The following IRF2 variants were observed in gnomAD, a reference collection of about 807,000 sequenced individuals.
IRF2 encodes interferon regulatory factor 2.
In IRF2, 15 loss-of-function variants were observed where a neutral mutation model predicts 40.6. That is an observed-to-expected ratio of 0.37 (90% CI 0.25 to 0.57). The LOEUF (loss-of-function observed/expected upper bound fraction) is 0.57. Among genes scored for constraint, IRF2 ranks in the 20% least tolerant of loss-of-function variants. The probability of loss-of-function intolerance (pLI) is 0.77; values close to 1 mark genes in which losing one functional copy is unlikely to be tolerated. For missense variants in IRF2, 317 were observed against 455.7 expected, an observed-to-expected ratio of 0.70 and a Z score of 2.77; for synonymous variants, 151 against 165.5, an observed-to-expected ratio of 0.91 and a Z score of 0.67.
chr4:184,390,580 G>C (rs1440969048), intron 8 of IRF2, 123 bp downstream of exon 8: 2 of 942,736 alleles, frequency 2.1e-6, no homozygotes, highest in African/African-American at 3.3e-5. Flanking sequence ...CACCACACAA[G>C]AAAATCCCAA....
chr4:184,423,339 C>T lies in IRF2; in HGVS notation c.88-3771G>A, dbSNP rs888489177. 3.3e-5 allele frequency among the ~76,000 whole-genome samples: 5 copies of T among 152,180 alleles called. No individual in the cohort carries two copies. In the East Asian group the frequency reaches 5.8e-4, roughly 18 times the overall value. ...TCTGAAGGAAGGCAGGAGAGATGAG[C>T]GCTGCTTGACTTCAGAAAAGCATCT... is the stretch of plus-strand genomic sequence containing the variant. On this transcript the variant is annotated intron_variant, in intron 2 of 8. Transcript: ENST00000393593.
intron 6 of IRF2, among the ~76,000 whole-genome samples, chr4:184,406,029 G>A (rs1736841044): frequency 6.6e-6 from 1 of 152,000 alleles, no homozygotes; most frequent in African/African-American, 2.4e-5. Flanking sequence ...GCGATGTAAG[G>A]GTTCACATCT....
rs1259360259 is a variant in IRF2, at chr4:184,413,044, G to C, written c.412-4769C>G. On this transcript the variant is annotated intron_variant, in intron 5 of 8. Transcript: ENST00000393593. The surrounding 1 kb of genome is among the most constrained non-coding windows in gnomAD (Gnocchi z 4.2). ...AAAACGACCTGCATTCCCAACACTC[G>C]CTTCTGAAGGTGCAAAACGCCGGGG... Among the ~76,000 whole-genome samples, 1 of 152,030 alleles carries C rather than the reference G, an allele frequency of 6.6e-6. No individual in the cohort carries two copies. Among genetic ancestry groups the C allele is most frequent in the African/African-American group, 2.4e-5 (1 of 41,380 alleles).
intron 1 of IRF2, among the ~76,000 whole-genome samples, chr4:184,449,996 C>T (rs572783389): frequency 1.2e-4 from 19 of 152,314 alleles, no homozygotes; most frequent in South Asian, 8.3e-4. Context: ...GGTATACTGA[C>T]GCAGGCTCAC....
Position 184,448,489 on chromosome 4 carries a change from CA to C in IRF2, c.-6-19420del, listed in dbSNP as rs1241075071. Reference sequence around the variant, plus strand: ...TGTAGAAGAGGAGAAATAAGACGGCCAAAGAGCTCTCGTGCGTATTTGAGAG... The same window carrying C: ...TGTAGAAGAGGAGAAATAAGACGGCCAAGAGCTCTCGTGCGTATTTGAGAG... On this transcript the variant is annotated intron_variant, in intron 1 of 8. Transcript: ENST00000393593. This position sits in a 1 kb window ranked among gnomAD's most constrained non-coding sequence, Gnocchi z 4.3. Among the ~76,000 whole-genome samples the C allele has an allele frequency of 6.6e-6, 1 of 152,042 alleles. No homozygotes were observed. Among genetic ancestry groups the C allele is most frequent in the Non-Finnish European group, 1.5e-5 (1 of 68,008 alleles).
intron 5 of IRF2, among the ~76,000 whole-genome samples, chr4:184,412,640 C>T (rs778583475): frequency 6.6e-6 from 1 of 152,210 alleles, no homozygotes; most frequent in Non-Finnish European, 1.5e-5. Context: ...AGCACAGAGG[C>T]GCAATGCCAC....
At chr4:184,468,245 T>C (rs1036891269) in intron 1 of IRF2, among the ~76,000 whole-genome samples, 2 of 152,166 alleles carry the variant, frequency 1.3e-5, no homozygotes, top group African/African-American at 4.8e-5. Context: ...CCGAATACTT[T>C]GGGAGGCTGA....
intron 2 of IRF2, chr4:184,428,596 A>G: frequency 2.5e-6 from 1 of 403,776 alleles, no homozygotes; most frequent in South Asian, 1.8e-5. Context: ...CCAGGAGTTC[A>G]AGACCAGCCT....
intron 5 of IRF2, among the ~76,000 whole-genome samples, chr4:184,410,740 C>T (rs73874635): frequency 0.027 from 4,040 of 152,268 alleles, 182 homozygotes; most frequent in African/African-American, 0.092. Flanking sequence ...ATGAGGCAGT[C>T]AGGCTTGCAT....
chr4:184,425,725 G>T (rs535173329), intron 2 of IRF2, among the ~76,000 whole-genome samples: 1 of 152,324 alleles, frequency 6.6e-6, no homozygotes, highest in East Asian at 1.9e-4. Context: ...GGGGCCAAGT[G>T]TTCATTTGCA....
At chr4:184,466,576 G>C (rs542426925) in intron 1 of IRF2, among the ~76,000 whole-genome samples, 4 of 152,136 alleles carry the variant, frequency 2.6e-5, no homozygotes, top group Non-Finnish European at 4.4e-5. Flanking sequence ...AGATCAGTAC[G>C]GGGGGAGAAG....
chr4:184,410,798 A>C (rs1737043084), intron 5 of IRF2, among the ~76,000 whole-genome samples: 1 of 152,216 alleles, frequency 6.6e-6, no homozygotes, highest in African/African-American at 2.4e-5. Flanking sequence ...GAAGACCTCT[A>C]AGTGTTACAC....
intron 1 of IRF2, among the ~76,000 whole-genome samples, chr4:184,436,990 A>G (rs892871654): frequency 2.0e-5 from 3 of 152,106 alleles, no homozygotes; most frequent in Admixed American, 2.0e-4. Context: ...GGTTCAAGAG[A>G]GCCTCTCACC....
chr4:184,461,866 G>A (rs951906928), intron 1 of IRF2, among the ~76,000 whole-genome samples: 4 of 152,026 alleles, frequency 2.6e-5, no homozygotes, highest in African/African-American at 7.2e-5. Flanking sequence ...TGGAAAAAAT[G>A]GGTCAGCTAC....
At chr4:184,451,414 T>A (rs907098141) in intron 1 of IRF2, among the ~76,000 whole-genome samples, 2 of 152,192 alleles carry the variant, frequency 1.3e-5, no homozygotes, top group African/African-American at 4.8e-5. Flanking sequence ...TGGGCACCCA[T>A]GATGCACTCA....
chr4:184,407,528 T>C (rs1446723065), intron 6 of IRF2, among the ~76,000 whole-genome samples: 1 of 152,186 alleles, frequency 6.6e-6, no homozygotes, highest in Admixed American at 6.5e-5. Context: ...CCAATCTAAA[T>C]TTGGTGCCTT....
At chr4:184,403,258 G>T (rs1736731657) in intron 6 of IRF2, among the ~76,000 whole-genome samples, 1 of 152,104 alleles carries the variant, frequency 6.6e-6, no homozygotes, top group African/African-American at 2.4e-5. Context: ...TCACTAACCA[G>T]TCTCTATCTG....
chr4:184,418,694 C>T lies in IRF2; in HGVS notation c.202G>A (p.Gly68Arg), dbSNP rs767697198. ...GTTTTGGGATCAGGTTTATCTACTC[C>T]TGGTTGATGCTTTCCTAACAAAAGA... ...WAIHTGKHQP[G>R]VDKPDPKTWK... Residue 68 changes from glycine to arginine, a missense_variant, in exon 4 of 9, where the codon GGA becomes AGA. Gly to Arg is a moderately radical substitution (Grantham distance 125). Around this residue, in one of 2 missense-constraint regions of IRF2, gnomAD observed 55 missense variants for 121.7 expected, o/e 0.45. Coordinates refer to ENST00000393593, the MANE Select transcript of IRF2 (RefSeq NM_002199.4). The T allele has an allele frequency of 2.5e-6, 4 of 1,613,332 alleles. No homozygotes were observed. Among genetic ancestry groups the T allele is most frequent in the Non-Finnish European group, 3.4e-6 (4 of 1,179,498 alleles).
chr4:184,419,151 T>G (rs578027446), intron 3 of IRF2, among the ~76,000 whole-genome samples: 58 of 152,272 alleles, frequency 3.8e-4, no homozygotes, highest in South Asian at 1.2e-3. Flanking sequence ...TCTGACTACC[T>G]TTTTGGGGGG....
Sources: gnomAD v4.1 joint callset for allele counts (sites outside exome capture counted in the v4.1 genomes callset) on GRCh38, gnomAD v4.1.1 for gene constraint, gnomAD v4.1.1 regional missense constraint, Gnocchi (gnomAD v3.1) non-coding constraint, MANE v1.5 for transcripts, NCBI Gene and HGNC (gene_info 2026-07-23, HGNC 2026-07-21) for gene names.